The following FREM1 variants were observed in gnomAD, a reference collection of about 807,000 sequenced individuals.
FREM1 encodes the protein FRAS1 related extracellular matrix 1, also known as FRAS1-related extracellular matrix protein 1.
A neutral mutation model predicts 210.1 loss-of-function variants in FREM1; 220 were observed. The observed-to-expected ratio is 1.05, with a 90% CI of 0.94 to 1.17. FREM1 has a LOEUF of 1.17. FREM1 is among the 50% of genes most tolerant of loss of function. FREM1 has a pLI of 0.00. For missense variants in FREM1, 3,454 were observed against 2,675.5 expected, an observed-to-expected ratio of 1.29 and a Z score of -6.42; for synonymous variants, 1,189 against 980.2, an observed-to-expected ratio of 1.21 and a Z score of -3.98.
At chr9:14,780,139 T>C (rs1459791529) in intron 24 of FREM1, among the ~76,000 whole-genome samples, 1 of 152,174 alleles carries the variant, frequency 6.6e-6, no homozygotes, top group African/African-American at 2.4e-5. Context: ...TATGTTGGTA[T>C]CCATTCTGAG....
chr9:14,781,985 G>A (rs143324621), intron 24 of FREM1, among the ~76,000 whole-genome samples: 7 of 152,200 alleles, frequency 4.6e-5, no homozygotes, highest in South Asian at 2.1e-4. Flanking sequence ...GATTACAGGC[G>A]TGAGCCACTG....
At chr9:14,877,075 G>T (rs1833894859) in intron 1 of FREM1, among the ~76,000 whole-genome samples, 1 of 152,100 alleles carries the variant, frequency 6.6e-6, no homozygotes, top group African/African-American at 2.4e-5. Context: ...TCCTTACCTG[G>T]TTCTTTCTAG....
At chr9:14,754,315 C>T (rs919878981) in intron 29 of FREM1, among the ~76,000 whole-genome samples, 3 of 152,184 alleles carry the variant, frequency 2.0e-5, no homozygotes, top group African/African-American at 7.2e-5. Flanking sequence ...TGGGAGTAAA[C>T]AGCACATAAA....
In FREM1 at chr9:14,737,256, AT is replaced by A. The variant is rs558465754; in HGVS notation, c.*139del. 1,408 of 572,062 alleles carry A rather than the reference AT, an allele frequency of 2.5e-3. 3 individuals carry two copies. The highest frequency in any genetic ancestry group is 6.0e-3 in the Middle Eastern group (13 of 2,152). 35.4% of individuals were successfully genotyped at this position (572,062 alleles called of 1,614,324 possible). A position where few individuals can be genotyped will look rare whatever the true frequency, so the allele number is the denominator to read the frequency against. Reference sequence around the variant, plus strand: ...ATCAATCTTTCTGGCACTATTAAAAATGTCCCATTTTCACTAGACAGAATCA... The same window carrying A: ...ATCAATCTTTCTGGCACTATTAAAAAGTCCCATTTTCACTAGACAGAATCA... On this transcript the variant is annotated 3_prime_UTR_variant, in exon 37 of 37. Coordinates refer to ENST00000380880, the MANE Select transcript of FREM1 (RefSeq NM_001379081.2).
chr9:14,750,326 C>T, intron 29 of FREM1, 50 bp from the exon 30 acceptor site: 1 of 1,441,342 alleles, frequency 6.9e-7, no homozygotes, highest in Non-Finnish European at 9.7e-7. Flanking sequence ...TTTCAATCAC[C>T]TAGGTGTCAG....
intron 30 of FREM1, 50 bp from the exon 31 acceptor site, chr9:14,748,689 T>C (rs1441761334): frequency 8.3e-7 from 1 of 1,198,404 alleles, no homozygotes; most frequent in Non-Finnish European, 1.2e-6. Context: ...CACAAACAGA[T>C]AAGGTATCAC....
chr9:14,828,657 G>A (rs1822964943), intron 10 of FREM1, among the ~76,000 whole-genome samples: 1 of 149,706 alleles, frequency 6.7e-6, no homozygotes, highest in Non-Finnish European at 1.5e-5. Flanking sequence ...GGAGGTGCCG[G>A]GGTAGAATGT....
In FREM1 at chr9:14,737,182, G is replaced by A. The variant is rs1198733712; in HGVS notation, c.*214C>T. 1 of 468,816 alleles carries A rather than the reference G, an allele frequency of 2.1e-6. No individual in the cohort carries two copies. The highest frequency in any genetic ancestry group is 3.4e-5 in the East Asian group (1 of 29,374). 29.0% of individuals were successfully genotyped at this position (468,816 alleles called of 1,614,324 possible). Reference sequence around the variant, plus strand: ...AATACTGCTGGCATTTATTTTAAAAGGTATTGAGATACAAAAATTGTATCT... The same window carrying A: ...AATACTGCTGGCATTTATTTTAAAAAGTATTGAGATACAAAAATTGTATCT... On this transcript the variant is annotated 3_prime_UTR_variant, in exon 37 of 37. Coordinates refer to ENST00000380880, the MANE Select transcript of FREM1 (RefSeq NM_001379081.2).
intron 16 of FREM1, among the ~76,000 whole-genome samples, chr9:14,811,329 A>G (rs1171876121): frequency 1.3e-5 from 2 of 152,240 alleles, no homozygotes; most frequent in Admixed American, 1.3e-4. Flanking sequence ...TTTAGCACTT[A>G]GAACAAGGCA....
intron 28 of FREM1, among the ~76,000 whole-genome samples, chr9:14,758,385 G>A (rs564729148): frequency 4.6e-5 from 7 of 152,134 alleles, no homozygotes; most frequent in Non-Finnish European, 1.0e-4. Context: ...TATGGAGGAC[G>A]GGAGGATTAT....
intron 23 of FREM1, among the ~76,000 whole-genome samples, 185 bp downstream of exon 23, chr9:14,788,734 C>T (rs1850803975): frequency 1.3e-5 from 2 of 152,068 alleles, no homozygotes; most frequent in African/African-American, 2.4e-5. Context: ...CTGTGAACCA[C>T]ATAGGTCCCA....
intron 1 of FREM1, among the ~76,000 whole-genome samples, chr9:14,887,304 A>T (rs1479486040): frequency 7.8e-6 from 1 of 128,178 alleles, no homozygotes; most frequent in Non-Finnish European, 1.7e-5. Flanking sequence ...TAAACATTCG[A>T]AGTGACTTGC....
chr9:14,824,250 T>A (rs550872196), intron 11 of FREM1, 135 bp from the exon 12 acceptor site: 10 of 602,856 alleles, frequency 1.7e-5, no homozygotes, highest in Admixed American at 2.7e-5. Context: ...TCTCTCTTTA[T>A]GTTGGGAGAT....
chr9:14,818,173 T>C (rs185214433), intron 14 of FREM1, among the ~76,000 whole-genome samples: 2 of 152,390 alleles, frequency 1.3e-5, no homozygotes, highest in African/African-American at 2.4e-5. Context: ...TCTGACAGTA[T>C]GCTTGAACAG....
intron 10 of FREM1, among the ~76,000 whole-genome samples, chr9:14,832,061 C>G (rs1359963549): frequency 2.0e-5 from 3 of 152,192 alleles, no homozygotes; most frequent in Non-Finnish European, 4.4e-5. Flanking sequence ...ACATGCACTC[C>G]CCTGGAACAT....
At chr9:14,901,867 T>A (rs1838845727) in intron 1 of FREM1, among the ~76,000 whole-genome samples, 1 of 152,152 alleles carries the variant, frequency 6.6e-6, no homozygotes, top group South Asian at 2.1e-4. Context: ...GTATTTTTTT[T>A]AAGAGATGGG....
At chr9:14,815,124 C>T (rs966579477) in intron 15 of FREM1, among the ~76,000 whole-genome samples, 1 of 152,168 alleles carries the variant, frequency 6.6e-6, no homozygotes, top group Non-Finnish European at 1.5e-5. Flanking sequence ...TGCCTTGTTC[C>T]TGGCATAGAG....
At chr9:14,812,313 T>G (rs888458013) in intron 16 of FREM1, among the ~76,000 whole-genome samples, 4 of 152,210 alleles carry the variant, frequency 2.6e-5, no homozygotes, top group Admixed American at 6.5e-5. Context: ...CTAACCTGTG[T>G]TCACGCTGTC....
chr9:14,751,196 T>A (rs1843312479), intron 29 of FREM1, among the ~76,000 whole-genome samples: 1 of 152,206 alleles, frequency 6.6e-6, no homozygotes, highest in African/African-American at 2.4e-5. Flanking sequence ...AAGGCTCAAC[T>A]TTAAGAGGAA....
Sources: gnomAD v4.1 joint callset for allele counts (sites outside exome capture counted in the v4.1 genomes callset) on GRCh38, gnomAD v4.1.1 for gene constraint, MANE v1.5 for transcripts, NCBI Gene and HGNC (gene_info 2026-07-23, HGNC 2026-07-21) for gene names.